SPATA6: variants seen among roughly 807,000 people sequenced by gnomAD.
SPATA6 encodes spermatogenesis associated 6, also known as spermatogenesis-associated protein 6.
Under a neutral mutation model 65.3 loss-of-function variants are expected in SPATA6, and 56 were observed. That is an observed-to-expected ratio of 0.86 (90% CI 0.69 to 1.07). The LOEUF (loss-of-function observed/expected upper bound fraction) is 1.07. Ranked by LOEUF, SPATA6 falls within the 50% of genes least tolerant of loss-of-function variation. SPATA6 has a pLI of 0.00. For missense variants in SPATA6, 590 were observed against 594.8 expected, an observed-to-expected ratio of 0.99 and a Z score of 0.08; for synonymous variants, 199 against 213.2, an observed-to-expected ratio of 0.93 and a Z score of 0.58.
intron 7 of SPATA6, chr1:48,399,115 T>C (rs1264500303): frequency 6.3e-6 from 3 of 472,866 alleles, no homozygotes; most frequent in African/African-American, 3.9e-5. Context: ...AAACCGGTAC[T>C]GAGAGGATTT....
At chr1:48,326,269 C>G (rs921869866) in intron 11 of SPATA6, 3 of 152,176 alleles carry the variant, frequency 2.0e-5, no homozygotes, top group East Asian at 1.9e-4. Context: ...GCCACACACA[C>G]AGAAATATAC....
the SPATA6 span, among the ~76,000 whole-genome samples, chr1:48,268,037 C>T: frequency 7.9e-5 from 12 of 151,844 alleles, no homozygotes; most frequent in African/African-American, 2.9e-4. Context: ...AGGCATGAGC[C>T]ACCGCGCCCG....
At chr1:48,358,163 A>C (rs1646709545) in intron 10 of SPATA6, among the ~76,000 whole-genome samples, 1 of 152,124 alleles carries the variant, frequency 6.6e-6, no homozygotes, top group African/African-American at 2.4e-5. Context: ...AGAATTTTTG[A>C]ATATAGCCTC....
rs181394538 is a variant in SPATA6 at position 48,347,066 on chromosome 1, T to C, written c.1194+8604A>G. On this transcript the variant is annotated intron_variant, in intron 11 of 12. Transcript: ENST00000371847. ...TAACATGCTACACAACTTCAAACTA[T>C]ACTACAGGGCTACACTAACCAAAAT... 2.6e-4 allele frequency among the ~76,000 whole-genome samples: 40 copies of C among 152,008 alleles called. No homozygotes were observed. In the East Asian group the frequency reaches 7.7e-3, roughly 29 times the overall value.
Position 48,437,235 on chromosome 1 carries a change from C to T in SPATA6, c.238+14317G>A. 1.9e-6 allele frequency: 3 copies of T among 1,612,358 alleles called. No homozygotes were observed. The South Asian group carries it at 3.3e-5, about 18-fold the overall frequency. Reference sequence around the variant, plus strand: ...ACTTGGAATTCTAGGGCTGCCAAATCATTTCATGTCCTATATACTTGACAC... The same window carrying T: ...ACTTGGAATTCTAGGGCTGCCAAATTATTTCATGTCCTATATACTTGACAC... On this transcript the variant is annotated intron_variant, in intron 3 of 12. Transcript: ENST00000371847.
intron 9 of SPATA6, among the ~76,000 whole-genome samples, chr1:48,366,936 G>C (rs1203947225): frequency 1.3e-5 from 2 of 152,070 alleles, no homozygotes; most frequent in East Asian, 3.9e-4. Context: ...GGCATTCAGT[G>C]CTATAAATTT....
chr1:48,355,436 T>A (rs141471625), intron 11 of SPATA6: 99 of 349,880 alleles, frequency 2.8e-4, no homozygotes, highest in African/African-American at 1.9e-3. Context: ...AAGATAATTA[T>A]CACTAACATT....
At chr1:48,459,478 G>A (rs1166809647) in intron 1 of SPATA6, among the ~76,000 whole-genome samples, 1 of 152,084 alleles carries the variant, frequency 6.6e-6, no homozygotes, top group African/African-American at 2.4e-5. Context: ...ATTATACAGT[G>A]TCAAAGTAAA....
intron 8 of SPATA6, among the ~76,000 whole-genome samples, chr1:48,394,030 T>C (rs1402764785): frequency 1.3e-5 from 2 of 152,008 alleles, no homozygotes; most frequent in Admixed American, 1.3e-4. Context: ...AAAAATTCTA[T>C]ACACAGACTC....
At chr1:48,331,505 A>C (rs1645913931) in intron 11 of SPATA6, among the ~76,000 whole-genome samples, 1 of 152,160 alleles carries the variant, frequency 6.6e-6, no homozygotes, top group Non-Finnish European at 1.5e-5. Context: ...CAAATACAAC[A>C]GTCAGACAAG....
At chr1:48,430,234 A>G (rs897347388) in intron 3 of SPATA6, among the ~76,000 whole-genome samples, 1 of 152,332 alleles carries the variant, frequency 6.6e-6, no homozygotes, top group East Asian at 1.9e-4. Context: ...AAAATAGCAC[A>G]AAAGACAAGC....
chr1:48,380,697 A>G (rs1030827118), intron 9 of SPATA6, among the ~76,000 whole-genome samples: 1 of 152,224 alleles, frequency 6.6e-6, no homozygotes, highest in African/African-American at 2.4e-5. Context: ...AATAAGCAAG[A>G]TCAATAGGTC....
At chr1:48,467,400 G>GAATGGCC (rs764133697) in intron 1 of SPATA6, among the ~76,000 whole-genome samples, 2 of 152,024 alleles carry the variant, frequency 1.3e-5, no homozygotes, top group Non-Finnish European at 2.9e-5. Flanking sequence ...GGAAAAAACT[G>GAATGGCC]AATGTCACCA....
the SPATA6 span, among the ~76,000 whole-genome samples, chr1:48,273,243 A>G: frequency 1.3e-5 from 2 of 152,188 alleles, no homozygotes; most frequent in East Asian, 3.9e-4. Flanking sequence ...TGTGGTTTCA[A>G]GTTTTACATT....
At chr1:48,347,219 G>A (rs947284151) in intron 11 of SPATA6, among the ~76,000 whole-genome samples, 1 of 151,754 alleles carries the variant, frequency 6.6e-6, no homozygotes, top group South Asian at 2.1e-4. Context: ...ATGGGGAAGG[G>A]ATTCACTATT....
intron 1 of SPATA6, among the ~76,000 whole-genome samples, chr1:48,453,933 A>C (rs1656799783): frequency 6.6e-6 from 1 of 152,058 alleles, no homozygotes; most frequent in Admixed American, 6.6e-5. Flanking sequence ...ATTAACCAAA[A>C]GCTGCAGTTT....
chr1:48,392,939 G>GC (rs1650220659), intron 8 of SPATA6, among the ~76,000 whole-genome samples: 1 of 151,756 alleles, frequency 6.6e-6, no homozygotes, highest in Admixed American at 6.6e-5. Flanking sequence ...AAAAAGTTGA[G>GC]GGGGGACATT....
At chr1:48,309,775 A>G (rs1168972065) in intron 11 of SPATA6, among the ~76,000 whole-genome samples, 1 of 152,190 alleles carries the variant, frequency 6.6e-6, no homozygotes, top group Non-Finnish European at 1.5e-5. Context: ...GTGATCACTG[A>G]TATCTCTATT....
At chr1:48,456,030 T>C (rs981690457) in intron 1 of SPATA6, among the ~76,000 whole-genome samples, 2 of 152,186 alleles carry the variant, frequency 1.3e-5, no homozygotes, top group African/African-American at 2.4e-5. Flanking sequence ...TAGAAGAGCA[T>C]GCACATGTGC....
Sources: gnomAD v4.1 joint callset for allele counts (sites outside exome capture counted in the v4.1 genomes callset) on GRCh38, gnomAD v4.1.1 for gene constraint, MANE v1.5 for transcripts, NCBI Gene and HGNC (gene_info 2026-07-23, HGNC 2026-07-21) for gene names.